RPSA2: variants seen among roughly 807,000 people sequenced by gnomAD.
The protein encoded by RPSA2 is small ribosomal subunit protein uS2B.
chr19:23,770,798 A>AC, the RPSA2 span, among the ~76,000 whole-genome samples: 3 of 152,022 alleles, frequency 2.0e-5, no homozygotes, highest in Non-Finnish European at 4.4e-5. Flanking sequence ...CTAATCAAGC[A>AC]CCCATGTGTG....
At chr19:23,781,984 G>C in the RPSA2 span, 1 of 154,540 alleles carries the variant, frequency 6.5e-6, no homozygotes, top group Non-Finnish European at 1.4e-5. Flanking sequence ...CAGGTGGTTT[G>C]AGTCTCCTCT....
At chr19:23,777,398 G>A in the RPSA2 span, among the ~76,000 whole-genome samples, 1 of 151,934 alleles carries the variant, frequency 6.6e-6, no homozygotes, top group African/African-American at 2.4e-5. Context: ...CACCCAGGTG[G>A]TATGACTCTC....
the RPSA2 span, among the ~76,000 whole-genome samples, chr19:23,861,067 G>T: frequency 6.6e-6 from 1 of 152,144 alleles, no homozygotes; most frequent in Non-Finnish European, 1.5e-5. Flanking sequence ...TATCACATTT[G>T]ATCTTGGACA....
At chr19:23,800,019 T>G in the RPSA2 span, among the ~76,000 whole-genome samples, 1 of 143,974 alleles carries the variant, frequency 6.9e-6, no homozygotes, top group East Asian at 2.0e-4. Flanking sequence ...TGAAAGAGTT[T>G]TCTTTTTCTT....
chr19:23,850,849 G>A, the RPSA2 span, among the ~76,000 whole-genome samples: 105 of 152,238 alleles, frequency 6.9e-4, no homozygotes, highest in African/African-American at 2.4e-3. Context: ...TGGGAATGGG[G>A]AGTGGTTAAA....
At chr19:23,866,262 TG>T in the RPSA2 span, among the ~76,000 whole-genome samples, 48 of 152,230 alleles carry the variant, frequency 3.2e-4, no homozygotes, top group Non-Finnish European at 2.9e-5. Flanking sequence ...ATCGCATGGC[TG>T]CAAGATGCAG....
At chr19:23,806,170 G>A in the RPSA2 span, among the ~76,000 whole-genome samples, 1 of 150,626 alleles carries the variant, frequency 6.6e-6, no homozygotes, top group Non-Finnish European at 1.5e-5. Flanking sequence ...TCAGCTTCCT[G>A]AGTAGCTGGG....
the RPSA2 span, among the ~76,000 whole-genome samples, chr19:23,760,669 A>T: frequency 6.5e-3 from 538 of 83,310 alleles, 3 homozygotes; most frequent in East Asian, 0.032. Context: ...ATATATATAT[A>T]TTTTTTTTTT....
chr19:23,762,445 G>A, the RPSA2 span, among the ~76,000 whole-genome samples: 1 of 151,832 alleles, frequency 6.6e-6, no homozygotes, highest in East Asian at 2.0e-4. Context: ...GGAGGCTGAG[G>A]CGGGCGGAAC....
At chr19:23,774,930 C>T in the RPSA2 span, among the ~76,000 whole-genome samples, 1 of 152,184 alleles carries the variant, frequency 6.6e-6, no homozygotes, top group African/African-American at 2.4e-5. Flanking sequence ...CCTGCTCACT[C>T]CCTATCCACA....
chr19:23,782,822 C>G, the RPSA2 span, among the ~76,000 whole-genome samples: 1 of 152,086 alleles, frequency 6.6e-6, no homozygotes, highest in Non-Finnish European at 1.5e-5. Context: ...TAGGCTATGT[C>G]TCTCCTCTTG....
At chr19:23,867,639 G>A in the RPSA2 span, among the ~76,000 whole-genome samples, 1 of 152,090 alleles carries the variant, frequency 6.6e-6, no homozygotes, top group Non-Finnish European at 1.5e-5. Flanking sequence ...GACCATCCTG[G>A]CTAACACAGT....
At chr19:23,867,559 G>C in the RPSA2 span, among the ~76,000 whole-genome samples, 16 of 152,080 alleles carry the variant, frequency 1.1e-4, no homozygotes, top group Non-Finnish European at 1.2e-4. Context: ...GGCCGGGTGC[G>C]GTGGCTCACG....
At chr19:23,821,182 C>A in the RPSA2 span, among the ~76,000 whole-genome samples, 1 of 152,330 alleles carries the variant, frequency 6.6e-6, no homozygotes, top group East Asian at 1.9e-4. Flanking sequence ...CAGTGCGATA[C>A]TCAGGTGGTT....
chr19:23,791,144 T>C, the RPSA2 span, among the ~76,000 whole-genome samples: 1 of 152,290 alleles, frequency 6.6e-6, no homozygotes, highest in Admixed American at 6.5e-5. Context: ...TATTAAATAA[T>C]TTAATCAAAG....
At chr19:23,859,795 AT>A in the RPSA2 span, among the ~76,000 whole-genome samples, 1 of 152,190 alleles carries the variant, frequency 6.6e-6, no homozygotes, top group Admixed American at 6.5e-5. Flanking sequence ...CAGGTTCAAT[AT>A]TTTTGAAAGA....
At chr19:23,763,828 G>C in the RPSA2 span, among the ~76,000 whole-genome samples, 1 of 152,134 alleles carries the variant, frequency 6.6e-6, no homozygotes, top group African/African-American at 2.4e-5. Flanking sequence ...TATTTGAGCC[G>C]TGATTGGTGA....
At chr19:23,779,033 C>T in the RPSA2 span, among the ~76,000 whole-genome samples, 11 of 119,530 alleles carry the variant, frequency 9.2e-5, no homozygotes, top group Non-Finnish European at 1.8e-4. Flanking sequence ...CGGAGTCTCG[C>T]TCTGTCGCCC....
At chr19:23,790,255 C>T in the RPSA2 span, among the ~76,000 whole-genome samples, 3 of 152,116 alleles carry the variant, frequency 2.0e-5, no homozygotes, top group African/African-American at 4.8e-5. Flanking sequence ...CCTAGGCTTC[C>T]CAAAGTGGTG....
Sources: gnomAD v4.1 joint callset for allele counts (sites outside exome capture counted in the v4.1 genomes callset) on GRCh38, gnomAD v4.1.1 for gene constraint, MANE v1.5 for transcripts, NCBI Gene and HGNC (gene_info 2026-07-23, HGNC 2026-07-21) for gene names.